TANC2: variants seen among roughly 807,000 people sequenced by gnomAD.
TANC2 encodes protein TANC2.
TANC2 carries 26 observed loss-of-function variants against 210.5 expected under a neutral mutation model. That is an observed-to-expected ratio of 0.12 (90% CI 0.09 to 0.17). The LOEUF (loss-of-function observed/expected upper bound fraction) is 0.17, where lower values mean the gene tolerates loss of function less well. Ranked by LOEUF, TANC2 falls within the 10% of genes least tolerant of loss-of-function variation. The probability of loss-of-function intolerance (pLI) is 1.00; values close to 1 mark genes in which losing one functional copy is unlikely to be tolerated. For missense variants in TANC2, 2,129 were observed against 2,608.9 expected, an observed-to-expected ratio of 0.82 and a Z score of 4.01; for synonymous variants, 931 against 967.1, an observed-to-expected ratio of 0.96 and a Z score of 0.69.
intron 5 of TANC2, among the ~76,000 whole-genome samples, chr17:63,192,828 T>A (rs951126348): frequency 6.6e-6 from 1 of 152,244 alleles, no homozygotes; most frequent in Non-Finnish European, 1.5e-5. Flanking sequence ...TAAATAAATA[T>A]ATACTCTTAT....
intron 5 of TANC2, among the ~76,000 whole-genome samples, chr17:63,183,196 T>C (rs2040850732): frequency 6.6e-6 from 1 of 152,248 alleles, no homozygotes; most frequent in Admixed American, 6.5e-5. Context: ...AACACCAGCA[T>C]GGATCTGCTT....
At chr17:63,030,932 T>C (rs1383862884) in intron 2 of TANC2, among the ~76,000 whole-genome samples, 106 of 152,188 alleles carry the variant, frequency 7.0e-4, no homozygotes, top group Non-Finnish European at 2.9e-5. Flanking sequence ...ACCTTAAGTT[T>C]GTTAATAATC....
intron 4 of TANC2, among the ~76,000 whole-genome samples, chr17:63,122,580 T>TA: frequency 5.3e-5 from 8 of 151,854 alleles, no homozygotes; most frequent in African/African-American, 1.9e-4. Context: ...CTACTAAAAA[T>TA]ACAAAACTTA....
At chr17:63,237,129 G>A (rs1295259829) in intron 7 of TANC2, among the ~76,000 whole-genome samples, 1 of 152,022 alleles carries the variant, frequency 6.6e-6, no homozygotes, top group Non-Finnish European at 1.5e-5. Flanking sequence ...AGCATTCTCT[G>A]CATCCTCACC....
intron 9 of TANC2, among the ~76,000 whole-genome samples, chr17:63,271,204 G>A (rs761947877): frequency 2.0e-5 from 3 of 152,058 alleles, no homozygotes; most frequent in South Asian, 2.1e-4. Flanking sequence ...TTGAATGGCC[G>A]TTCTATTTTT....
intron 1 of TANC2, among the ~76,000 whole-genome samples, chr17:63,000,502 G>A (rs2033323980): frequency 6.6e-6 from 1 of 152,154 alleles, no homozygotes; most frequent in Non-Finnish European, 1.5e-5. Context: ...AGCCTTAGTG[G>A]ACCATTAAGA....
At chr17:63,148,806 TC>T (rs1434248811) in intron 4 of TANC2, 5 of 152,160 alleles carry the variant, frequency 3.3e-5, no homozygotes, top group African/African-American at 9.7e-5. Flanking sequence ...ATTCCAGGCT[TC>T]CAGGTAAAAC....
At position 63,112,954 on chromosome 17, in the gene TANC2, A is replaced by T. The variant is rs534464839; in HGVS notation, c.322+13597A>T. On this transcript the variant is annotated intron_variant, in intron 4 of 27. Coordinates refer to ENST00000689528, the Ensembl canonical transcript of TANC2. Reference sequence around the variant, plus strand: ...CATGATTTATGCCATGGTCCCTAGGAAGTCTAATTTTTTTACTTAATTGAC... The same window carrying T: ...CATGATTTATGCCATGGTCCCTAGGTAGTCTAATTTTTTTACTTAATTGAC... 3.3e-5 allele frequency among the ~76,000 whole-genome samples: 5 copies of T among 152,246 alleles called. No homozygotes were observed. In the South Asian group the frequency reaches 1.0e-3, roughly 32 times the overall value.
At chr17:63,358,376 A>ATGTGTGTGTGTGT (rs1555641222) in intron 14 of TANC2, among the ~76,000 whole-genome samples, 20 of 81,044 alleles carry the variant, frequency 2.5e-4, no homozygotes, top group African/African-American at 7.0e-4. Flanking sequence ...AGAGAGAGAG[A>ATGTGTGTGTGTGT]GTATGTGTGT....
intron 12 of TANC2, among the ~76,000 whole-genome samples, chr17:63,348,696 C>T (rs556511990): frequency 6.2e-4 from 95 of 152,110 alleles, no homozygotes; most frequent in African/African-American, 2.1e-3. Context: ...TGGCAAAATA[C>T]GAAGCAGCAA....
intron 9 of TANC2, among the ~76,000 whole-genome samples, chr17:63,291,419 TC>T (rs1484892461): frequency 6.6e-6 from 1 of 152,168 alleles, no homozygotes; most frequent in East Asian, 1.9e-4. Flanking sequence ...TATTCACAAA[TC>T]CGTTTACTAA....
At chr17:63,087,948 T>C (rs181853414) in intron 3 of TANC2, among the ~76,000 whole-genome samples, 1 of 152,216 alleles carries the variant, frequency 6.6e-6, no homozygotes, top group Non-Finnish European at 1.5e-5. Context: ...GTTTAGTTTT[T>C]TACATGTTAG....
At chr17:63,093,155 A>G (rs1332212386) in intron 3 of TANC2, among the ~76,000 whole-genome samples, 1 of 151,810 alleles carries the variant, frequency 6.6e-6, no homozygotes, top group Non-Finnish European at 1.5e-5. Flanking sequence ...AATCTACCTG[A>G]CCCAAGGTCA....
intron 4 of TANC2, among the ~76,000 whole-genome samples, chr17:63,123,881 T>G (rs1322848184): frequency 6.6e-6 from 1 of 151,648 alleles, no homozygotes; most frequent in Non-Finnish European, 1.5e-5. Flanking sequence ...TTTTTTATTT[T>G]TAGTAGAGAT....
At chr17:63,343,795 C>T (rs2046314495) in intron 12 of TANC2, among the ~76,000 whole-genome samples, 2 of 152,142 alleles carry the variant, frequency 1.3e-5, no homozygotes, top group African/African-American at 4.8e-5. Flanking sequence ...ACTCAGGAGG[C>T]TGAGGCAGGA....
rs2047043975 is a variant in TANC2 at position 63,364,173 on chromosome 17, A to G, written c.2582+8783A>G. 2.6e-5 allele frequency among the ~76,000 whole-genome samples: 4 copies of G among 152,264 alleles called. No individual in the cohort carries two copies. In the South Asian group the frequency reaches 8.3e-4, roughly 32 times the overall value. On this transcript the variant is annotated intron_variant, in intron 14 of 27. Transcript: ENST00000689528. ...TGATATGACAAACGGGAGGAATTAC[A>G]TGAACTCTAATATATATTTTGAAAT...
chr17:63,056,109 A>T (rs35331004), intron 2 of TANC2, among the ~76,000 whole-genome samples: 2,176 of 136,458 alleles, frequency 0.016, 32 homozygotes, highest in Non-Finnish European at 0.025. Context: ...CAGGAGGTCG[A>T]GGTTATAGTA....
intron 19 of TANC2, among the ~76,000 whole-genome samples, chr17:63,404,158 C>T (rs993891502): frequency 6.6e-6 from 1 of 152,106 alleles, no homozygotes. Flanking sequence ...TGAAGTATAA[C>T]TCCTACATGT....
intron 1 of TANC2, among the ~76,000 whole-genome samples, chr17:62,979,704 A>G (rs2032204205): frequency 6.6e-6 from 1 of 152,128 alleles, no homozygotes; most frequent in African/African-American, 2.4e-5. Context: ...TGAGGCCAGG[A>G]GTTTGGACCA....
Sources: allele counts gnomAD v4.1 joint callset (sites outside exome capture counted in the v4.1 genomes callset), GRCh38; gene constraint gnomAD v4.1.1; transcripts MANE v1.5; gene names NCBI Gene and HGNC (gene_info 2026-07-23, HGNC 2026-07-21).